Variants in TMEM132B observed in about 807,000 individuals in gnomAD.
The protein encoded by TMEM132B is transmembrane protein 132B.
Under a neutral mutation model 90.8 loss-of-function variants are expected in TMEM132B, and 18 were observed. The observed-to-expected ratio is 0.20, with a 90% CI of 0.14 to 0.29. TMEM132B has a LOEUF of 0.29. Ranked by LOEUF, TMEM132B falls within the 10% of genes least tolerant of loss-of-function variation. TMEM132B has a pLI of 1.00. For missense variants in TMEM132B, 1,096 were observed against 1,326.8 expected (o/e 0.83, Z 2.70); for synonymous variants, 504 against 523.3 (o/e 0.96, Z 0.50).
At chr12:125,370,051 A>G (rs1288220984) in intron 2 of TMEM132B, among the ~76,000 whole-genome samples, 2 of 152,172 alleles carry the variant, frequency 1.3e-5, no homozygotes, top group African/African-American at 4.8e-5. Flanking sequence ...TCCATCTCAA[A>G]AATAAAAAAG....
At chr12:125,432,515 A>ATATATGTATGTG in intron 3 of TMEM132B, among the ~76,000 whole-genome samples, 1 of 72,438 alleles carries the variant, frequency 1.4e-5, no homozygotes, top group Non-Finnish European at 2.7e-5. Context: ...GTGTGTGTAT[A>ATATATGTATGTG]TATATATATA....
In TMEM132B at chr12:125,213,970, A is replaced by G. The variant is rs1035532810; in HGVS notation, c.67+27104A>G. 1.3e-5 allele frequency among the ~76,000 whole-genome samples: 2 copies of G among 152,230 alleles called. No homozygotes were observed. Among genetic ancestry groups the G allele is most frequent in the Non-Finnish European group, 2.9e-5 (2 of 68,044 alleles). ...TGATGCTTTTTGTGTGCCAGGGCAC[A>G]TAAGTTTGGGGGATAGAGAGAACAA... On this transcript the variant is annotated intron_variant, in intron 1 of 8. Transcript: ENST00000682704. This position sits in a 1 kb window ranked among gnomAD's most constrained non-coding sequence, Gnocchi z 4.2.
intron 4 of TMEM132B, among the ~76,000 whole-genome samples, chr12:125,520,751 G>A (rs554368839): frequency 6.6e-6 from 1 of 152,290 alleles, no homozygotes; most frequent in East Asian, 1.9e-4. Context: ...TTCCTCCCCA[G>A]AAGGTGGGAT....
chr12:125,323,308 C>T (rs995276864), intron 1 of TMEM132B, among the ~76,000 whole-genome samples: 25 of 152,078 alleles, frequency 1.6e-4, no homozygotes, highest in Non-Finnish European at 5.9e-5. Context: ...TGGTGGCAGG[C>T]GCCTGCAGTC....
At chr12:125,563,599 A>AAACAAACAAACAAAC (rs1555258801) in intron 4 of TMEM132B, among the ~76,000 whole-genome samples, 153 of 113,402 alleles carry the variant, frequency 1.3e-3, no homozygotes, top group African/African-American at 4.5e-3. Context: ...ACAAACAAAC[A>AAACAAACAAACAAAC]AAAAAAAACC....
intron 1 of TMEM132B, among the ~76,000 whole-genome samples, chr12:125,228,063 T>C (rs1465619061): frequency 1.3e-5 from 2 of 152,252 alleles, no homozygotes; most frequent in Non-Finnish European, 2.9e-5. Flanking sequence ...GAAACACCTG[T>C]ACTCTAATTA....
At chr12:125,343,886 G>T (rs550257225) in intron 1 of TMEM132B, among the ~76,000 whole-genome samples, 1 of 152,182 alleles carries the variant, frequency 6.6e-6, no homozygotes, top group African/African-American at 2.4e-5. Flanking sequence ...GGCAAATGCT[G>T]TGTTAATAAA....
At chr12:125,642,017 T>C (rs975172179) in intron 5 of TMEM132B, among the ~76,000 whole-genome samples, 6 of 151,930 alleles carry the variant, frequency 3.9e-5, no homozygotes, top group African/African-American at 1.2e-4. Context: ...CTGAGCAGGG[T>C]TGGGGGGACT....
chr12:125,516,953 A>T (rs1237370488), intron 3 of TMEM132B, among the ~76,000 whole-genome samples: 1 of 152,200 alleles, frequency 6.6e-6, no homozygotes, highest in Admixed American at 6.5e-5. Flanking sequence ...TTAGGCTGGA[A>T]TATGGTTGAT....
chr12:125,306,334 C>T (rs1184969325), intron 1 of TMEM132B, among the ~76,000 whole-genome samples: 2 of 152,232 alleles, frequency 1.3e-5, no homozygotes, highest in Admixed American at 6.5e-5. Flanking sequence ...GCAGATGAAG[C>T]TTATTCAATC....
intron 2 of TMEM132B, among the ~76,000 whole-genome samples, chr12:125,351,748 C>T (rs979315183): frequency 6.6e-6 from 1 of 152,186 alleles, no homozygotes; most frequent in Non-Finnish European, 1.5e-5. Flanking sequence ...ACTAAAACCC[C>T]TGAGAAGAGG....
chr12:125,309,539 TG>T, intron 1 of TMEM132B, among the ~76,000 whole-genome samples: 1 of 152,208 alleles, frequency 6.6e-6, no homozygotes, highest in South Asian at 2.1e-4. Context: ...AACTCAGATG[TG>T]GTGTTTGTCC....
chr12:125,211,974 C>G (rs958205805), intron 1 of TMEM132B, among the ~76,000 whole-genome samples: 2 of 152,232 alleles, frequency 1.3e-5, no homozygotes, highest in African/African-American at 4.8e-5. Context: ...AATGAACCTA[C>G]AAATCATTTG....
Position 125,644,125 on chromosome 12 carries a change from G to A in TMEM132B, c.1487G>A (p.Ser496Asn). The change falls in exon 6 of 9, where the codon AGC (serine) becomes AAC (asparagine). Residue 496 changes from serine (S) to asparagine (N), a missense_variant. Ser to Asn is a conservative substitution (Grantham distance 46, BLOSUM62 1). Transcript: ENST00000682704. ...TTTGTGAATGGGAAGGAAATGAAGA[G>A]CAAAGTGGACACGATTGTGAACTTC... ...SIFVNGKEMK[S>N]KVDTIVNFTH... The A allele has an allele frequency of 1.2e-6, 2 of 1,614,216 alleles. No individual in the cohort carries two copies. The highest frequency in any genetic ancestry group is 1.1e-5 in the South Asian group (1 of 91,082).
chr12:125,637,410 A>G (rs2137010737), intron 5 of TMEM132B, among the ~76,000 whole-genome samples: 1 of 152,350 alleles, frequency 6.6e-6, no homozygotes, highest in South Asian at 2.1e-4. Flanking sequence ...GCCAAGGTTA[A>G]GGACATGCGC....
intron 4 of TMEM132B, among the ~76,000 whole-genome samples, chr12:125,535,620 A>T (rs1173874592): frequency 6.6e-6 from 1 of 152,200 alleles, no homozygotes; most frequent in Non-Finnish European, 1.5e-5. Flanking sequence ...CCTGGGATGA[A>T]GGTATTGTGT....
At chr12:125,289,088 T>C (rs1186483469) in intron 1 of TMEM132B, among the ~76,000 whole-genome samples, 1 of 152,208 alleles carries the variant, frequency 6.6e-6, no homozygotes, top group Non-Finnish European at 1.5e-5. Context: ...GTCCAAGCTT[T>C]GATGGGCTTG....
chr12:125,415,523 C>T lies in TMEM132B; in HGVS notation c.960-8C>T, dbSNP rs1314436584. 6.2e-7 allele frequency: 1 copy of T among 1,613,708 alleles called. No individual in the cohort carries two copies. On this transcript the variant is annotated splice_region_variant and splice_polypyrimidine_tract_variant and intron_variant, in intron 2 of 8. Transcript: ENST00000682704. This position sits in a 1 kb window ranked among gnomAD's most constrained non-coding sequence, Gnocchi z 5.3. ...TATATATAATATCATTGTTTTCCCA[C>T]CCCACAGAATTAAGGCGGCAGCAGG...
intron 5 of TMEM132B, among the ~76,000 whole-genome samples, chr12:125,627,877 G>A (rs533063335): frequency 6.6e-6 from 1 of 152,088 alleles, no homozygotes; most frequent in African/African-American, 2.4e-5. Flanking sequence ...CAATTGTTTT[G>A]ATTTTTAGAT....
Sources: gnomAD v4.1 joint callset for allele counts (sites outside exome capture counted in the v4.1 genomes callset) on GRCh38, gnomAD v4.1.1 for gene constraint, Gnocchi (gnomAD v3.1) non-coding constraint, MANE v1.5 for transcripts, NCBI Gene and HGNC (gene_info 2026-07-23, HGNC 2026-07-21) for gene names.